The following PRDM16 variants were observed in gnomAD, a reference collection of about 807,000 sequenced individuals.
The protein encoded by PRDM16 is PR/SET domain 16, also known as histone-lysine N-methyltransferase PRDM16.
PRDM16 carries 23 observed loss-of-function variants against 110.6 expected under a neutral mutation model. That is an observed-to-expected ratio of 0.21 (90% CI 0.15 to 0.29). The LOEUF (loss-of-function observed/expected upper bound fraction) is 0.29. Among genes scored for constraint, PRDM16 ranks in the 10% least tolerant of loss-of-function variants. PRDM16 has a pLI of 1.00. For missense variants in PRDM16, 1,615 were observed against 1,794.3 expected, an observed-to-expected ratio of 0.90 and a Z score of 1.81; for synonymous variants, 799 against 781.8, an observed-to-expected ratio of 1.02 and a Z score of -0.37.
At chr1:3,193,100 G>A (rs1275319450) in intron 2 of PRDM16, among the ~76,000 whole-genome samples, 2 of 151,516 alleles carry the variant, frequency 1.3e-5, no homozygotes, top group East Asian at 2.0e-4. Flanking sequence ...GCGGCCAGAC[G>A]GCGAGTACCC....
At chr1:3,151,042 C>T (rs1016827904) in intron 1 of PRDM16, among the ~76,000 whole-genome samples, 2 of 150,936 alleles carry the variant, frequency 1.3e-5, no homozygotes, top group Admixed American at 1.3e-4. Flanking sequence ...CTATGGAAGC[C>T]GGGGGCTGGT....
At chr1:3,418,468 A>G (rs1048826790) in intron 11 of PRDM16, among the ~76,000 whole-genome samples, 199 bp from the exon 12 acceptor site, 5 of 152,248 alleles carry the variant, frequency 3.3e-5, no homozygotes, top group African/African-American at 1.2e-4. Context: ...TCTGTCTACT[A>G]CTGTGGCCCA....
At chr1:3,233,979 T>G (rs529862218) in intron 2 of PRDM16, among the ~76,000 whole-genome samples, 1 of 151,928 alleles carries the variant, frequency 6.6e-6, no homozygotes, top group Non-Finnish European at 1.5e-5. Flanking sequence ...TGCTGGAGGA[T>G]GGGCACAGGG....
chr1:3,191,257 T>C (rs1431727857), intron 2 of PRDM16, among the ~76,000 whole-genome samples: 1 of 152,340 alleles, frequency 6.6e-6, no homozygotes, highest in East Asian at 1.9e-4. Flanking sequence ...CCTGGCGTTA[T>C]TTACTGAATA....
chr1:3,152,463 G>A (rs1314995224), intron 1 of PRDM16, among the ~76,000 whole-genome samples: 1 of 152,076 alleles, frequency 6.6e-6, no homozygotes, highest in African/African-American at 2.4e-5. Context: ...GCCAAGCAGT[G>A]GCTACTCTCT....
intron 1 of PRDM16, among the ~76,000 whole-genome samples, chr1:3,084,102 G>A (rs897414744): frequency 1.4e-4 from 22 of 152,230 alleles, no homozygotes; most frequent in South Asian, 2.1e-4. Flanking sequence ...GAATCCCAGC[G>A]CTGCTGTGGG....
intron 1 of PRDM16, among the ~76,000 whole-genome samples, chr1:3,119,223 C>T (rs957126201): frequency 1.2e-4 from 19 of 152,244 alleles, no homozygotes; most frequent in Admixed American, 1.2e-3. Context: ...CACCCCACCC[C>T]GGCGGCCACA....
chr1:3,115,621 G>C (rs1269244126), intron 1 of PRDM16, among the ~76,000 whole-genome samples: 3 of 152,246 alleles, frequency 2.0e-5, no homozygotes, highest in African/African-American at 7.2e-5. Context: ...GCCGAGAGGG[G>C]GCGGGGGCCA....
At chr1:3,310,626 C>A (rs1641429742) in intron 3 of PRDM16, among the ~76,000 whole-genome samples, 2 of 152,188 alleles carry the variant, frequency 1.3e-5, no homozygotes, top group Non-Finnish European at 2.9e-5. Flanking sequence ...CCTGCCAAAC[C>A]AGCAAGCACG....
Position 3,390,727 on chromosome 1 carries a change from CCT to C in PRDM16, c.573+5442_573+5443del, listed in dbSNP as rs899913456. Among the ~76,000 whole-genome samples, 4 of 152,142 alleles carry C rather than the reference CCT, an allele frequency of 2.6e-5. No homozygotes were observed. The highest frequency in any genetic ancestry group is 1.3e-4 in the Admixed American group (2 of 15,278). On this transcript the variant is annotated intron_variant, in intron 4 of 16. Coordinates refer to ENST00000270722, the MANE Select transcript of PRDM16 (RefSeq NM_022114.4). This position sits in a 1 kb window ranked among gnomAD's most constrained non-coding sequence, Gnocchi z 5.0. ...CCCGCGTTTCTGTCTGGGCGTGTGC[CCT>C]GTCAGGGTTGCGGTTTTAAACAGAG... is the stretch of plus-strand genomic sequence containing the variant.
chr1:3,310,888 T>G (rs1255097771), intron 3 of PRDM16, among the ~76,000 whole-genome samples: 2 of 149,448 alleles, frequency 1.3e-5, no homozygotes, highest in Non-Finnish European at 3.0e-5. Context: ...CATGCGTGTG[T>G]GTGAGACATG....
chr1:3,224,944 G>T (rs937866419), intron 2 of PRDM16, among the ~76,000 whole-genome samples: 1 of 152,244 alleles, frequency 6.6e-6, no homozygotes, highest in Admixed American at 6.5e-5. Flanking sequence ...GGCCACAGGG[G>T]CAGATACGGT....
At position 3,290,924 on chromosome 1, in the gene PRDM16, T is replaced by C. The variant is rs937106246; in HGVS notation, c.438+46787T>C. Among the ~76,000 whole-genome samples, 2 of 151,986 alleles carry C rather than the reference T, an allele frequency of 1.3e-5. No homozygotes were observed. Among genetic ancestry groups the C allele is most frequent in the Non-Finnish European group, 2.9e-5 (2 of 68,006 alleles). On this transcript the variant is annotated intron_variant, in intron 3 of 16. Coordinates refer to ENST00000270722, the MANE Select transcript of PRDM16 (RefSeq NM_022114.4). This position sits in a 1 kb window ranked among gnomAD's most constrained non-coding sequence, Gnocchi z 4.8. Reference sequence around the variant, plus strand: ...CGGAAATTAGTGGTGCAGAAATCCATACTCATCATTCATCGGGGGCCTTAT... The same window carrying C: ...CGGAAATTAGTGGTGCAGAAATCCACACTCATCATTCATCGGGGGCCTTAT...
chr1:3,388,666 AC>A (rs1468007587), intron 4 of PRDM16, among the ~76,000 whole-genome samples: 2 of 152,148 alleles, frequency 1.3e-5, no homozygotes, highest in Non-Finnish European at 2.9e-5. Flanking sequence ...TCAGATGGGG[AC>A]CCAGGCTGGG....
At position 3,181,356 on chromosome 1, in the gene PRDM16, ACACG is replaced by A. The variant is rs1204290338; in HGVS notation, c.38-4768_38-4765del. Among the ~76,000 whole-genome samples the A allele has an allele frequency of 2.0e-4, 14 of 71,734 alleles. 1 individual carries two copies. Among genetic ancestry groups the A allele is most frequent in the African/African-American group, 4.8e-4 (10 of 20,830 alleles). The allele number at this position is 71,734 out of a possible 152,430, so 47.1% of individuals were successfully genotyped here. ...CAAGCAGTCTTACACACGGTCTTAC[ACACG>A]GTCTTACACACGCAGTCTTACACAC... On this transcript the variant is annotated intron_variant, in intron 1 of 16. Coordinates refer to ENST00000270722, the MANE Select transcript of PRDM16 (RefSeq NM_022114.4).
intron 1 of PRDM16, among the ~76,000 whole-genome samples, chr1:3,181,074 G>GCA (rs1644155540): frequency 6.8e-4 from 31 of 45,278 alleles, no homozygotes; most frequent in African/African-American, 1.6e-3. Context: ...TTACACACCC[G>GCA]GTCTTACACA....
At chr1:3,172,206 C>T (rs139576107) in intron 1 of PRDM16, among the ~76,000 whole-genome samples, 42 of 152,232 alleles carry the variant, frequency 2.8e-4, no homozygotes, top group African/African-American at 9.6e-4. Context: ...ACGGTCTTCC[C>T]GGTTGGATTC....
chr1:3,241,229 G>A (rs1569907449), intron 2 of PRDM16, among the ~76,000 whole-genome samples: 1 of 152,274 alleles, frequency 6.6e-6, no homozygotes, highest in Non-Finnish European at 1.5e-5. Flanking sequence ...GCCTGCAGGA[G>A]GCCGCTTCTT....
chr1:3,262,130 A>G (rs1306867027), intron 3 of PRDM16, among the ~76,000 whole-genome samples: 2 of 152,230 alleles, frequency 1.3e-5, no homozygotes, highest in Non-Finnish European at 2.9e-5. Context: ...GAAATTGGGC[A>G]CAGAGAGGTT....
Sources: gnomAD v4.1 joint callset for allele counts (sites outside exome capture counted in the v4.1 genomes callset) on GRCh38, gnomAD v4.1.1 for gene constraint, Gnocchi (gnomAD v3.1) non-coding constraint, MANE v1.5 for transcripts, NCBI Gene and HGNC (gene_info 2026-07-23, HGNC 2026-07-21) for gene names.